The following NEK11 variants were observed in gnomAD, a reference collection of about 807,000 sequenced individuals.
The protein encoded by NEK11 is serine/threonine-protein kinase Nek11.
A neutral mutation model predicts 80.7 loss-of-function variants in NEK11; 72 were observed. The ratio of observed to expected loss-of-function variants is 0.89; its 90% confidence interval spans 0.74 to 1.08. NEK11 has a LOEUF of 1.08. Ranked by LOEUF, NEK11 falls within the 50% of genes least tolerant of loss-of-function variation. The probability of loss-of-function intolerance (pLI) is 0.00; values close to 1 mark genes in which losing one functional copy is unlikely to be tolerated. For synonymous variants in NEK11, 251 were observed against 260.7 expected, an observed-to-expected ratio of 0.96 and a Z score of 0.36; for missense variants, 764 against 763.6, an observed-to-expected ratio of 1.00 and a Z score of -0.01.
At chr3:131,171,992 A>C (rs1027637191) in intron 14 of NEK11, among the ~76,000 whole-genome samples, 6 of 152,212 alleles carry the variant, frequency 3.9e-5, no homozygotes, top group African/African-American at 1.4e-4. Flanking sequence ...AGAGCTAGAA[A>C]AAACCAGGGG....
chr3:131,145,409 T>G (rs2087955854), intron 7 of NEK11, among the ~76,000 whole-genome samples: 1 of 152,158 alleles, frequency 6.6e-6, no homozygotes, highest in South Asian at 2.1e-4. Flanking sequence ...TAAGCCCTCT[T>G]TCCTTCCAAG....
At chr3:131,336,687 C>T (rs1582300280) in intron 17 of NEK11, among the ~76,000 whole-genome samples, 1 of 152,036 alleles carries the variant, frequency 6.6e-6, no homozygotes, top group Non-Finnish European at 1.5e-5. Context: ...AGGCAACCTA[C>T]AAAATAGGAG....
At chr3:131,190,878 C>T (rs1443562040) in intron 14 of NEK11, among the ~76,000 whole-genome samples, 1 of 152,074 alleles carries the variant, frequency 6.6e-6, no homozygotes, top group Non-Finnish European at 1.5e-5. Context: ...AATAACATGT[C>T]ACCAAAATTG....
At chr3:131,062,593 C>G (rs570504353) in intron 3 of NEK11, among the ~76,000 whole-genome samples, 3 of 152,216 alleles carry the variant, frequency 2.0e-5, no homozygotes, top group Non-Finnish European at 4.4e-5. Flanking sequence ...TCCTCCACCC[C>G]AAACCCAGGC....
chr3:131,341,171 G>T (rs560485908), intron 17 of NEK11, among the ~76,000 whole-genome samples: 453 of 152,204 alleles, frequency 3.0e-3, no homozygotes, highest in Non-Finnish European at 4.7e-3. Context: ...AATATAGTGT[G>T]TTTTCCAAAT....
At chr3:131,041,623 T>A (rs1192668120) in intron 3 of NEK11, among the ~76,000 whole-genome samples, 1 of 152,114 alleles carries the variant, frequency 6.6e-6, no homozygotes, top group Non-Finnish European at 1.5e-5. Flanking sequence ...ATTGGACAGT[T>A]TTTTAGTTCA....
At chr3:131,240,525 TTTGTTGTTGTTG>T (rs200902975) in intron 15 of NEK11, among the ~76,000 whole-genome samples, 70 of 151,956 alleles carry the variant, frequency 4.6e-4, no homozygotes, top group African/African-American at 1.6e-3. Flanking sequence ...ATAATTGGTT[TTTGTTGTTGTTG>T]TTGTTGTTGT....
chr3:131,034,301 A>T (rs2109368020), intron 3 of NEK11, among the ~76,000 whole-genome samples: 1 of 152,334 alleles, frequency 6.6e-6, no homozygotes, highest in Non-Finnish European at 1.5e-5. Context: ...ATGATTTTTA[A>T]AAAATTTATC....
chr3:131,251,020 G>C (rs555969554), intron 16 of NEK11, among the ~76,000 whole-genome samples: 49 of 151,664 alleles, frequency 3.2e-4, no homozygotes, highest in Admixed American at 6.6e-4. Context: ...ATGGAGGGAA[G>C]AAAAATATTT....
intron 16 of NEK11, among the ~76,000 whole-genome samples, chr3:131,249,252 T>G (rs900844013): frequency 1.4e-4 from 22 of 152,174 alleles, no homozygotes; most frequent in African/African-American, 5.3e-4. Context: ...GCTAAGTGCC[T>G]AAGATGTATA....
At chr3:131,074,596 G>A (rs1408292918) in intron 3 of NEK11, among the ~76,000 whole-genome samples, 2 of 152,116 alleles carry the variant, frequency 1.3e-5, no homozygotes, top group Non-Finnish European at 2.9e-5. Context: ...GCCTATTCAG[G>A]TAATGCAAAT....
rs144423438 is a variant in NEK11, at chr3:131,349,652, G to C, written c.1814G>C (p.Arg605Pro). ...CAGAATGCTAGCGAAGCAGAGATCC[G>C]CGAGTGTTTGGAAAAAGTGGTGCCT... ...RHQNASEAEI[R>P]ECLEKVVPQA... is the part of the protein sequence containing the mutation. The change falls in exon 18 of 18, where the codon CGC becomes CCC. Residue 605 changes from arginine to proline, a missense_variant. Physicochemically the swap from Arg to Pro is moderately radical, Grantham distance 103. Transcript: ENST00000383366. 5.0e-6 allele frequency: 8 copies of C among 1,614,034 alleles called. No homozygotes were observed. The highest frequency in any genetic ancestry group is 6.8e-6 in the Non-Finnish European group (8 of 1,180,024).
At chr3:131,283,221 A>C (rs763231979) in intron 17 of NEK11, among the ~76,000 whole-genome samples, 3 of 152,174 alleles carry the variant, frequency 2.0e-5, no homozygotes, top group Non-Finnish European at 4.4e-5. Context: ...TAAAGTCTAG[A>C]TCTCATCAGG....
chr3:131,290,715 G>C (rs2096534766), intron 17 of NEK11, among the ~76,000 whole-genome samples: 1 of 152,164 alleles, frequency 6.6e-6, no homozygotes, highest in Non-Finnish European at 1.5e-5. Flanking sequence ...ATTTCTACTA[G>C]TATGCCAAAC....
At chr3:131,203,459 T>C (rs2094321275) in intron 14 of NEK11, among the ~76,000 whole-genome samples, 1 of 148,526 alleles carries the variant, frequency 6.7e-6, no homozygotes. Context: ...GGGATAGCAT[T>C]AGGAGATATA....
chr3:131,090,564 G>A (rs552492757), intron 4 of NEK11, among the ~76,000 whole-genome samples: 3 of 152,206 alleles, frequency 2.0e-5, no homozygotes, highest in East Asian at 1.9e-4. Context: ...TTAGACCAAC[G>A]CATTACATTT....
intron 14 of NEK11, among the ~76,000 whole-genome samples, chr3:131,218,732 A>G (rs987075514): frequency 2.0e-5 from 3 of 152,220 alleles, no homozygotes; most frequent in African/African-American, 4.8e-5. Context: ...AGGCTTTTCA[A>G]TGATCGCCAT....
At chr3:131,090,576 A>T (rs1014893463) in intron 4 of NEK11, among the ~76,000 whole-genome samples, 4 of 152,270 alleles carry the variant, frequency 2.6e-5, no homozygotes, top group African/African-American at 9.6e-5. Flanking sequence ...ATTACATTTC[A>T]TCAAAAACAT....
At chr3:131,278,462 C>T (rs945917914) in intron 17 of NEK11, among the ~76,000 whole-genome samples, 14 of 152,234 alleles carry the variant, frequency 9.2e-5, no homozygotes, top group East Asian at 1.9e-4. Context: ...GATGGGTGAA[C>T]GGGTGGATAA....
Sources: gnomAD v4.1 joint callset for allele counts (sites outside exome capture counted in the v4.1 genomes callset) on GRCh38, gnomAD v4.1.1 for gene constraint, MANE v1.5 for transcripts, NCBI Gene and HGNC (gene_info 2026-07-23, HGNC 2026-07-21) for gene names.